Variants in GALNT8 observed in about 807,000 individuals in gnomAD.
GALNT8 encodes polypeptide N-acetylgalactosaminyltransferase 8.
A neutral mutation model predicts 62.7 loss-of-function variants in GALNT8; 66 were observed. The ratio of observed to expected loss-of-function variants is 1.05; its 90% confidence interval spans 0.86 to 1.29. GALNT8 has a LOEUF of 1.29. Ranked by LOEUF, GALNT8 falls within the 50% of genes most tolerant of loss-of-function variation. The probability of loss-of-function intolerance (pLI) is 0.00; values close to 1 mark genes in which losing one functional copy is unlikely to be tolerated. For missense variants in GALNT8, 771 were observed against 791.8 expected, an observed-to-expected ratio of 0.97 and a Z score of 0.32; for synonymous variants, 288 against 294.3, an observed-to-expected ratio of 0.98 and a Z score of 0.22.
At chr12:4,727,853 A>G (rs1176713236) in intron 2 of GALNT8, among the ~76,000 whole-genome samples, 2 of 152,158 alleles carry the variant, frequency 1.3e-5, no homozygotes, top group Non-Finnish European at 2.9e-5. Flanking sequence ...TGTGTGAACA[A>G]ATGTCTTCTT....
Position 4,739,249 on chromosome 12 carries a change from G to C in GALNT8, c.596G>C (p.Arg199Pro). 2 of 1,612,904 alleles carry C rather than the reference G, an allele frequency of 1.2e-6. No homozygotes were observed. The highest frequency in any genetic ancestry group is 1.7e-6 in the Non-Finnish European group (2 of 1,179,012). The change falls in exon 3 of 11, where the codon CGG (arginine) becomes CCG (proline). Residue 199 changes from arginine (R) to proline (P), a missense_variant. Transcript: ENST00000252318. ...AATGAAGCTCTGTCCATTATACAACGGGCCATCACCAGTATCATCAACCGG... is the reference window on the plus strand; with the variant it reads ...AATGAAGCTCTGTCCATTATACAACCGGCCATCACCAGTATCATCAACCGG... ...FVNEALSIIQ[R>P]AITSIINRTP...
chr12:4,765,352 CTTTTTTTTTTTTTT>C lies in GALNT8; in HGVS notation c.1594-16_1594-3del, dbSNP rs35971936. The C allele has an allele frequency of 3.9e-6, 4 of 1,014,390 alleles. No homozygotes were observed. The highest frequency in any genetic ancestry group is 5.2e-6 in the Non-Finnish European group (4 of 771,302). The allele number at this position is 1,014,390 out of a possible 1,614,324, so 62.8% of individuals were successfully genotyped here. On this transcript the variant is annotated splice_polypyrimidine_tract_variant and intron_variant, in intron 9 of 10. Coordinates refer to ENST00000252318, the MANE Select transcript of GALNT8 (RefSeq NM_017417.2). ...GACAATGCCTATGGTGAGCCCTCTG[CTTTTTTTTTTTTTT>C]TTTTTTTTTTAGAATGTCTACTATC...
chr12:4,731,538 G>A (rs1381929858), intron 2 of GALNT8, among the ~76,000 whole-genome samples: 1 of 152,146 alleles, frequency 6.6e-6, no homozygotes, highest in African/African-American at 2.4e-5. Context: ...ACAAATGTGA[G>A]AGCGAGCATT....
chr12:4,726,413 A>G lies in GALNT8; in HGVS notation c.212-119A>G, dbSNP rs1013126632. ...ACTACATCCTCTGTGACAAGAGCTT[A>G]TAAGTTTTAAGATGTAGTGGGTAAA... On this transcript the variant is annotated intron_variant, in intron 1 of 10. Coordinates refer to ENST00000252318, the MANE Select transcript of GALNT8 (RefSeq NM_017417.2). The surrounding 1 kb of genome is among the most constrained non-coding windows in gnomAD (Gnocchi z 4.1). 10 of 691,878 alleles carry G rather than the reference A, an allele frequency of 1.4e-5. No homozygotes were observed. The highest frequency in any genetic ancestry group is 3.6e-5 in the African/African-American group (2 of 55,882). 42.9% of individuals were successfully genotyped at this position (691,878 alleles called of 1,614,324 possible).
chr12:4,757,839 T>C (rs1946352049), intron 6 of GALNT8, among the ~76,000 whole-genome samples: 1 of 152,182 alleles, frequency 6.6e-6, no homozygotes, highest in African/African-American at 2.4e-5. Context: ...ATAATAACTT[T>C]ATTTACGGTA....
intron 8 of GALNT8, 72 bp downstream of exon 8, chr12:4,763,462 GATTGC>G: frequency 7.7e-7 from 1 of 1,294,174 alleles, no homozygotes. Flanking sequence ...TGAATCTCGT[GATTGC>G]CTGTCCTGCC....
chr12:4,736,262 C>T (rs991389814), intron 2 of GALNT8, among the ~76,000 whole-genome samples: 38 of 152,264 alleles, frequency 2.5e-4, no homozygotes, highest in Non-Finnish European at 1.2e-4. Flanking sequence ...ACAAATACTG[C>T]TTGAACAATA....
chr12:4,771,818 A>G (rs1946425703), intron 10 of GALNT8, among the ~76,000 whole-genome samples: 1 of 152,110 alleles, frequency 6.6e-6, no homozygotes, highest in Non-Finnish European at 1.5e-5. Context: ...AGATATGAAG[A>G]TAAGGGGGAA....
At chr12:4,753,465 G>A (rs7953399) in intron 6 of GALNT8, among the ~76,000 whole-genome samples, 77,511 of 151,858 alleles carry the variant, frequency 0.51, 20,442 homozygotes, top group Non-Finnish European at 0.59. Context: ...AAAGATACTG[G>A]TGCATTCTTC....
At position 4,772,567 on chromosome 12, in the gene GALNT8, C is replaced by T. The variant is rs371637846; in HGVS notation, c.1884C>T (p.Val628=). Residue 628 remains valine (V), a synonymous_variant, in exon 11 of 11, where the codon GTC becomes GTT. Coordinates refer to ENST00000252318, the MANE Select transcript of GALNT8 (RefSeq NM_017417.2). ...AAGTGTGGGAAATCCAGCACACTGT[C>T]AGAGACTGGGGTCAGACCAACAGCC... ...STQVWEIQHT[V]RDWGQTNSQ 52 of 1,613,788 alleles carry T rather than the reference C, an allele frequency of 3.2e-5. No homozygotes were observed. The African/African-American group carries it at 6.5e-4, about 20-fold the overall frequency.
intron 2 of GALNT8, among the ~76,000 whole-genome samples, chr12:4,728,131 C>A (rs896666515): frequency 6.6e-6 from 1 of 151,900 alleles, no homozygotes; most frequent in South Asian, 2.1e-4. Flanking sequence ...TGTGGGACAT[C>A]TTTTCATGTG....
intron 10 of GALNT8, among the ~76,000 whole-genome samples, chr12:4,770,849 CCTT>C (rs2137547929): frequency 6.6e-6 from 1 of 152,266 alleles, no homozygotes; most frequent in Non-Finnish European, 1.5e-5. Context: ...TTTATTTTGT[CCTT>C]CTAATATCGT....
intron 6 of GALNT8, among the ~76,000 whole-genome samples, chr12:4,758,935 C>A (rs901834546): frequency 5.3e-5 from 8 of 152,074 alleles, no homozygotes; most frequent in Non-Finnish European, 1.0e-4. Flanking sequence ...ACCACCACAC[C>A]AGGCTAATTT....
Position 4,765,388 on chromosome 12 carries a change from TA to T in GALNT8, c.1604del (p.Tyr535PhefsTer3). 1.2e-6 allele frequency: 1 copy of T among 822,380 alleles called. No individual in the cohort carries two copies. Among genetic ancestry groups the T allele is most frequent in the Non-Finnish European group, 2.0e-6 (1 of 509,684 alleles). 50.9% of individuals were successfully genotyped at this position (822,380 alleles called of 1,614,324 possible). Reference sequence around the variant, plus strand: ...TTTTTTTTTTTTTTAGAATGTCTACTATCACCTAACTGGGGAGCTCTATGTG... The same window carrying T: ...TTTTTTTTTTTTTTAGAATGTCTACTTCACCTAACTGGGGAGCTCTATGTG... ...CHEFSSQNVYYHLTGELYVGQ... is the reference protein window; with the variant it reads ...CHEFSSQNVYXHLTGELYVGQ... On this transcript the variant is annotated frameshift_variant, in exon 10 of 11. Transcript: ENST00000252318. LOFTEE classifies it high-confidence loss of function.
intron 2 of GALNT8, among the ~76,000 whole-genome samples, chr12:4,735,254 C>T (rs1038102626): frequency 5.3e-5 from 8 of 152,092 alleles, no homozygotes; most frequent in Non-Finnish European, 1.0e-4. Flanking sequence ...ACAAACTGTC[C>T]TAAGGAAATA....
intron 9 of GALNT8, among the ~76,000 whole-genome samples, chr12:4,764,719 A>ATTT (rs750518123): frequency 2.3e-4 from 30 of 129,518 alleles, no homozygotes; most frequent in African/African-American, 4.2e-4. Flanking sequence ...AATTTTTTGT[A>ATTT]TTTTTTTTTT....
chr12:4,765,658 G>A (rs888394635), intron 10 of GALNT8, 112 bp downstream of exon 10: 14 of 720,772 alleles, frequency 1.9e-5, no homozygotes, highest in Non-Finnish European at 3.1e-5. Flanking sequence ...AGCTGACTGA[G>A]GCTACTGACA....
rs369861619 is a variant in GALNT8, at chr12:4,744,662, C to T, written c.822C>T (p.Val274=). Residue 274 remains valine, a synonymous_variant, in exon 4 of 11, where the codon GTC becomes GTT. Coordinates refer to ENST00000252318, the MANE Select transcript of GALNT8 (RefSeq NM_017417.2). ...TGWEAATADV[V]AILDAHIEVN... ...GGGAAGCTGCCACAGCAGACGTGGTCGCCATCTTGGATGCTCACATTGAAG... is the reference window on the plus strand; with the variant it reads ...GGGAAGCTGCCACAGCAGACGTGGTTGCCATCTTGGATGCTCACATTGAAG... 98 of 1,613,088 alleles carry T rather than the reference C, an allele frequency of 6.1e-5. No homozygotes were observed. In the South Asian group the frequency reaches 7.4e-4, roughly 12 times the overall value.
chr12:4,772,132 C>T (rs897284740), intron 10 of GALNT8, among the ~76,000 whole-genome samples: 1 of 152,110 alleles, frequency 6.6e-6, no homozygotes, highest in African/African-American at 2.4e-5. Flanking sequence ...TTGAGAAGGC[C>T]CACGGTTCTC....
Sources: allele counts gnomAD v4.1 joint callset (sites outside exome capture counted in the v4.1 genomes callset), GRCh38; gene constraint gnomAD v4.1.1; non-coding constraint Gnocchi (gnomAD v3.1); transcripts MANE v1.5; gene names NCBI Gene and HGNC (gene_info 2026-07-23, HGNC 2026-07-21).